CCDC148: variants seen among roughly 807,000 people sequenced by gnomAD.
CCDC148 encodes the protein coiled-coil domain-containing protein 148.
CCDC148 carries 89 observed loss-of-function variants against 85.7 expected under a neutral mutation model. The ratio of observed to expected loss-of-function variants is 1.04; its 90% CI spans 0.87 to 1.24. The LOEUF (loss-of-function observed/expected upper bound fraction) is 1.24. Ranked by LOEUF, CCDC148 falls within the 50% of genes most tolerant of loss-of-function variation. The pLI is 0.00. For synonymous variants in CCDC148, 230 were observed against 213.9 expected, an observed-to-expected ratio of 1.08 and a Z score of -0.66; for missense variants, 692 against 671.7, an observed-to-expected ratio of 1.03 and a Z score of -0.33.
intron 7 of CCDC148, among the ~76,000 whole-genome samples, chr2:158,325,527 G>C (rs1278201411): frequency 6.6e-6 from 1 of 152,046 alleles, no homozygotes; most frequent in African/African-American, 2.4e-5. Flanking sequence ...CACTACTTTA[G>C]TGATCACATC....
chr2:158,350,575 A>G (rs745777034), intron 2 of CCDC148, among the ~76,000 whole-genome samples: 1 of 152,158 alleles, frequency 6.6e-6, no homozygotes, highest in Non-Finnish European at 1.5e-5. Context: ...TTCCTATGAG[A>G]GTAGAGGATT....
chr2:158,375,023 G>A (rs1684598587), intron 1 of CCDC148, among the ~76,000 whole-genome samples: 1 of 151,874 alleles, frequency 6.6e-6, no homozygotes, highest in African/African-American at 2.4e-5. Context: ...TCTATATGAA[G>A]TTGTTTGAAT....
intron 7 of CCDC148, among the ~76,000 whole-genome samples, chr2:158,317,147 G>A (rs901404206): frequency 6.6e-6 from 1 of 151,884 alleles, no homozygotes; most frequent in Admixed American, 6.6e-5. Context: ...ATGACTCTAC[G>A]TTAAAAGAAA....
At chr2:158,343,282 A>G (rs1017587210) in intron 3 of CCDC148, among the ~76,000 whole-genome samples, 1 of 152,200 alleles carries the variant, frequency 6.6e-6, no homozygotes, top group African/African-American at 2.4e-5. Flanking sequence ...CTCAACTCCA[A>G]GGTCATAGAG....
chr2:158,186,305 A>G (rs1424051820), intron 11 of CCDC148, among the ~76,000 whole-genome samples: 1 of 151,976 alleles, frequency 6.6e-6, no homozygotes, highest in Non-Finnish European at 1.5e-5. Context: ...TGAACTTAGA[A>G]TTGTCATCAC....
At chr2:158,406,016 T>C (rs1407247161) in intron 1 of CCDC148, among the ~76,000 whole-genome samples, 1 of 152,156 alleles carries the variant, frequency 6.6e-6, no homozygotes, top group Non-Finnish European at 1.5e-5. Context: ...GGCTGAAACA[T>C]CTGCCTCCTT....
intron 1 of CCDC148, among the ~76,000 whole-genome samples, chr2:158,445,719 C>T (rs1224823800): frequency 2.0e-5 from 3 of 151,900 alleles, no homozygotes; most frequent in Admixed American, 6.6e-5. Flanking sequence ...GATATATTTC[C>T]AAATGTATTT....
At chr2:158,354,114 A>T (rs1683485452) in intron 2 of CCDC148, among the ~76,000 whole-genome samples, 1 of 151,744 alleles carries the variant, frequency 6.6e-6, no homozygotes, top group Non-Finnish European at 1.5e-5. Flanking sequence ...AAATGCCCAC[A>T]AGAGAAAGCA....
intron 1 of CCDC148, among the ~76,000 whole-genome samples, chr2:158,424,384 G>T (rs1340230980): frequency 2.6e-5 from 4 of 152,242 alleles, no homozygotes; most frequent in African/African-American, 9.6e-5. Context: ...ATACTATGCA[G>T]CCATAAAAAA....
chr2:158,250,938 C>G, intron 9 of CCDC148, 26 bp from the exon 10 acceptor site: 1 of 1,586,202 alleles, frequency 6.3e-7, no homozygotes, highest in Non-Finnish European at 8.5e-7. Flanking sequence ...AAACTTCATT[C>G]CAGTAACTAT....
rs76899942 is a variant in CCDC148, at chr2:158,428,056, A to G, written c.25+28359T>C. ...TAAAATCAATAAGAATCTATGGAGG[A>G]GACTTAAGGAAGGGGCTGACATGCT... On this transcript the variant is annotated intron_variant, in intron 1 of 13. Coordinates refer to ENST00000283233, the MANE Select transcript of CCDC148 (RefSeq NM_138803.4). Among the ~76,000 whole-genome samples, 806 of 152,216 alleles carry G rather than the reference A, an allele frequency of 5.3e-3. 9 individuals are homozygous for G. The highest frequency in any genetic ancestry group is 0.018 in the African/African-American group (763 of 41,530).
chr2:158,217,368 G>GTTTATATATATATATATATATATA (rs1558990175), intron 11 of CCDC148, among the ~76,000 whole-genome samples: 14 of 76,130 alleles, frequency 1.8e-4, no homozygotes, highest in African/African-American at 5.5e-4. Context: ...AATTTTGTGT[G>GTTTATATATATATATATATATATA]TGTGTGTATA....
intron 11 of CCDC148, among the ~76,000 whole-genome samples, chr2:158,200,736 C>A (rs1685913858): frequency 6.6e-6 from 1 of 152,140 alleles, no homozygotes; most frequent in Non-Finnish European, 1.5e-5. Context: ...TAGCGATAGT[C>A]AGCTCTCTCC....
At chr2:158,259,583 G>T (rs932744254) in intron 9 of CCDC148, among the ~76,000 whole-genome samples, 3 of 151,068 alleles carry the variant, frequency 2.0e-5, no homozygotes, top group African/African-American at 7.3e-5. Context: ...TATATTTATT[G>T]GATTAATTTT....
At chr2:158,353,048 G>A (rs13401704) in intron 2 of CCDC148, among the ~76,000 whole-genome samples, 26,688 of 150,976 alleles carry the variant, frequency 0.18, 3,918 homozygotes, top group African/African-American at 0.4. Context: ...TCACCACCAC[G>A]CCTGCCCTAA....
In CCDC148 at chr2:158,371,743, A is replaced by T. The variant is rs970288635; in HGVS notation, c.26-13173T>A. ...GTATACATATATATATATTCATTCAACCACTACAAGAATCAAAGACAGAAA... is the reference window on the plus strand; with the variant it reads ...GTATACATATATATATATTCATTCATCCACTACAAGAATCAAAGACAGAAA... On this transcript the variant is annotated intron_variant, in intron 1 of 13. Coordinates refer to ENST00000283233, the MANE Select transcript of CCDC148 (RefSeq NM_138803.4). 2.0e-5 allele frequency among the ~76,000 whole-genome samples: 3 copies of T among 150,768 alleles called. No homozygotes were observed. The South Asian group carries it at 6.2e-4, about 31-fold the overall frequency.
chr2:158,323,561 A>C (rs1425601166), intron 7 of CCDC148, among the ~76,000 whole-genome samples: 1 of 152,194 alleles, frequency 6.6e-6, no homozygotes, highest in African/African-American at 2.4e-5. Flanking sequence ...CTGATTTACC[A>C]GCATCCTGGC....
At chr2:158,254,922 T>G (rs906855719) in intron 9 of CCDC148, among the ~76,000 whole-genome samples, 3 of 150,824 alleles carry the variant, frequency 2.0e-5, no homozygotes, top group Non-Finnish European at 4.4e-5. Flanking sequence ...ACCAGTTTAC[T>G]CACCAATTTA....
At chr2:158,268,980 A>G (rs1309284503) in intron 9 of CCDC148, among the ~76,000 whole-genome samples, 2 of 152,126 alleles carry the variant, frequency 1.3e-5, no homozygotes, top group African/African-American at 4.8e-5. Flanking sequence ...CTTGATGGAC[A>G]CTTAGGTTGT....
Sources: gnomAD v4.1 joint callset for allele counts (sites outside exome capture counted in the v4.1 genomes callset) on GRCh38, gnomAD v4.1.1 for gene constraint, MANE v1.5 for transcripts, NCBI Gene and HGNC (gene_info 2026-07-23, HGNC 2026-07-21) for gene names.